POLH: variants seen among roughly 807,000 people sequenced by gnomAD.
POLH encodes the protein DNA polymerase eta.
In POLH, 53 loss-of-function variants were observed where a neutral mutation model predicts 73.6. The ratio of observed to expected loss-of-function variants is 0.72; its 90% CI spans 0.58 to 0.91. POLH has a LOEUF of 0.91. Among genes scored for constraint, POLH ranks in the 40% least tolerant of loss-of-function variants. POLH has a pLI of 0.00. For missense variants in POLH, 768 were observed against 865.4 expected, an observed-to-expected ratio of 0.89 and a Z score of 1.41; for synonymous variants, 292 against 308.5, an observed-to-expected ratio of 0.95 and a Z score of 0.56.
intron 9 of POLH, among the ~76,000 whole-genome samples, chr6:43,610,344 C>T (rs1339290934): frequency 6.6e-6 from 1 of 152,026 alleles, no homozygotes; most frequent in Non-Finnish European, 1.5e-5. Flanking sequence ...GGATTACAGG[C>T]GTGAGCCACC....
At chr6:43,608,348 A>AT (rs1767522774) in intron 9 of POLH, among the ~76,000 whole-genome samples, 3 of 152,206 alleles carry the variant, frequency 2.0e-5, no homozygotes, top group Admixed American at 2.0e-4. Context: ...CATGTCAAGA[A>AT]TAGTCCAAAA....
At chr6:43,603,522 A>G (rs1766965920) in intron 6 of POLH, among the ~76,000 whole-genome samples, 1 of 152,086 alleles carries the variant, frequency 6.6e-6, no homozygotes, top group Non-Finnish European at 1.5e-5. Context: ...TTGGCCTCCC[A>G]AAGTGGGATC....
At chr6:43,592,674 C>T (rs1421104992) in intron 4 of POLH, among the ~76,000 whole-genome samples, 1 of 152,140 alleles carries the variant, frequency 6.6e-6, no homozygotes, top group Non-Finnish European at 1.5e-5. Flanking sequence ...CTTGGTCTCC[C>T]AAAGTGCTGG....
intron 9 of POLH, among the ~76,000 whole-genome samples, chr6:43,608,691 G>T (rs1767560221): frequency 6.6e-6 from 1 of 152,124 alleles, no homozygotes; most frequent in African/African-American, 2.4e-5. Context: ...ACTGTGCCTA[G>T]CCTTTTCTTC....
Position 43,583,128 on chromosome 6 carries a change from G to C in POLH, c.259G>C (p.Ala87Pro). 1 of 1,613,974 alleles carries C rather than the reference G, an allele frequency of 6.2e-7. No homozygotes were observed. Among genetic ancestry groups the C allele is most frequent in the Non-Finnish European group, 8.5e-7 (1 of 1,179,930 alleles). ...LAQVRESRGK[A>P]NLTKYREASV... is the part of the protein sequence containing the mutation. ...ACAAGTTCGTGAGTCCCGTGGGAAAGCTAACCTCACCAAGTAAGAAAAAAA... is the reference window on the plus strand; with the variant it reads ...ACAAGTTCGTGAGTCCCGTGGGAAACCTAACCTCACCAAGTAAGAAAAAAA... The change falls in exon 3 of 11, where the codon GCT (alanine) becomes CCT (proline). Residue 87 changes from alanine to proline, a missense_variant. Coordinates refer to ENST00000372236, the MANE Select transcript of POLH (RefSeq NM_006502.3).
chr6:43,619,087 CAA>C lies in POLH; in HGVS notation c.*4531_*4532del, dbSNP rs767288700. Reference sequence around the variant, plus strand: ...TGATACTTGAATATCTAATAAAAGACAATATTTAGCCAGTCACGGTGGCTGAT... The same window carrying C: ...TGATACTTGAATATCTAATAAAAGACTATTTAGCCAGTCACGGTGGCTGAT... On this transcript the variant is annotated 3_prime_UTR_variant, in exon 11 of 11. Coordinates refer to ENST00000372236, the MANE Select transcript of POLH (RefSeq NM_006502.3). Among the ~76,000 whole-genome samples, 56 of 151,630 alleles carry C rather than the reference CAA, an allele frequency of 3.7e-4. No individual in the cohort carries two copies. Among genetic ancestry groups the C allele is most frequent in the Middle Eastern group, 3.4e-3 (1 of 294 alleles).
At chr6:43,585,876 T>G (rs1764771999) in intron 3 of POLH, among the ~76,000 whole-genome samples, 1 of 151,754 alleles carries the variant, frequency 6.6e-6, no homozygotes, top group South Asian at 2.1e-4. Flanking sequence ...ACTCCTGACC[T>G]CAGGTGATCC....
At chr6:43,583,175 G>C in intron 3 of POLH, 34 bp downstream of exon 3, 1 of 1,603,722 alleles carries the variant, frequency 6.2e-7, no homozygotes, top group Non-Finnish European at 8.5e-7. Context: ...GAGACATAAA[G>C]GAGTCGAAAA....
rs1171635918 is a variant in POLH at position 43,615,514 on chromosome 6, C to T, written c.*957C>T. ...AGGTTGGAGTGAGCTGAGATCGCGC[C>T]ACCGCACTCCAGCCTGGGCAACAGA... is the stretch of plus-strand genomic sequence containing the variant. On this transcript the variant is annotated 3_prime_UTR_variant, in exon 11 of 11. Coordinates refer to ENST00000372236, the MANE Select transcript of POLH (RefSeq NM_006502.3). 4 of 130,650 alleles carry T rather than the reference C, an allele frequency of 3.1e-5. No individual in the cohort carries two copies. Among genetic ancestry groups the T allele is most frequent in the Admixed American group, 7.5e-5 (1 of 13,346 alleles). 8.1% of individuals were successfully genotyped at this position (130,650 alleles called of 1,614,324 possible). A position where few individuals can be genotyped will look rare whatever the true frequency, so the allele number is the denominator to read the frequency against.
chr6:43,593,066 G>C (rs1221224142), intron 4 of POLH, among the ~76,000 whole-genome samples: 1 of 152,166 alleles, frequency 6.6e-6, no homozygotes, highest in Non-Finnish European at 1.5e-5. Flanking sequence ...GGGTCTCACT[G>C]TGTTGCCCAT....
intron 4 of POLH, among the ~76,000 whole-genome samples, 164 bp from the exon 5 acceptor site, chr6:43,597,532 G>A (rs1341022215): frequency 6.6e-6 from 1 of 152,210 alleles, no homozygotes; most frequent in African/African-American, 2.4e-5. Context: ...ACACTCTGAA[G>A]GAGAAATTGA....
chr6:43,613,412 T>G (rs984057289), intron 10 of POLH, among the ~76,000 whole-genome samples: 1 of 152,168 alleles, frequency 6.6e-6, no homozygotes. Flanking sequence ...TCTCAAGACA[T>G]AACATCAGCA....
rs1168824621 is a variant in POLH at position 43,582,951 on chromosome 6, G to C, written c.138-56G>C. ...AGATTACTTGTGTTAAATGTTACTT[G>C]TTTTTGCTTGTGATCATATAATATG... On this transcript the variant is annotated intron_variant, in intron 2 of 10. Transcript: ENST00000372236. The C allele has an allele frequency of 1.4e-5, 20 of 1,467,290 alleles. No individual in the cohort carries two copies. The South Asian group carries it at 1.8e-4, about 13-fold the overall frequency. The allele number at this position is 1,467,290 out of a possible 1,614,324, so 90.9% of individuals were successfully genotyped here. A position where few individuals can be genotyped will look rare whatever the true frequency, so the allele number is the denominator to read the frequency against.
intron 3 of POLH, among the ~76,000 whole-genome samples, chr6:43,584,210 G>A (rs1489223149): frequency 2.6e-5 from 4 of 152,150 alleles, no homozygotes; most frequent in Non-Finnish European, 5.9e-5. Context: ...TAAGATTCTA[G>A]TATCTATGTT....
rs1768287302 is a variant in POLH at position 43,615,835 on chromosome 6, G to C, written c.*1278G>C. ...CTACAGGCACGTGCTACCACACTCA[G>C]CTAATTTTTGTATTTTTAATAGAGA... On this transcript the variant is annotated 3_prime_UTR_variant, in exon 11 of 11. Transcript: ENST00000372236. 6.6e-6 allele frequency among the ~76,000 whole-genome samples: 1 copy of C among 151,534 alleles called. No homozygotes were observed. Among genetic ancestry groups the C allele is most frequent in the Non-Finnish European group, 1.5e-5 (1 of 67,902 alleles).
Position 43,577,017 on chromosome 6 carries a change from A to C in POLH, c.-5+577A>C, listed in dbSNP as rs9333502. Among the ~76,000 whole-genome samples the C allele has an allele frequency of 1.8e-4, 27 of 152,188 alleles. No individual in the cohort carries two copies. In the East Asian group the frequency reaches 3.3e-3, roughly 19 times the overall value. On this transcript the variant is annotated intron_variant, in intron 1 of 10. Transcript: ENST00000372236. ...CTAAACATACAAAAATTATGTTTGC[A>C]TTTTTAGTATTTTTATACAGGCGTG... is the stretch of plus-strand genomic sequence containing the variant.
chr6:43,603,342 A>G (rs1157588408), intron 6 of POLH, among the ~76,000 whole-genome samples: 1 of 151,468 alleles, frequency 6.6e-6, no homozygotes, highest in Non-Finnish European at 1.5e-5. Flanking sequence ...TGTTGTTCAG[A>G]CTGTTCTCAA....
intron 2 of POLH, 83 bp from the exon 3 acceptor site, chr6:43,582,924 A>G: frequency 8.4e-7 from 1 of 1,193,240 alleles, no homozygotes; most frequent in Admixed American, 1.9e-5. Context: ...TAATATGTTT[A>G]TAGATTACTT....
chr6:43,612,736 A>G (rs1768029565), intron 10 of POLH, among the ~76,000 whole-genome samples: 1 of 152,198 alleles, frequency 6.6e-6, no homozygotes, highest in Non-Finnish European at 1.5e-5. Flanking sequence ...ATCTTCTGAA[A>G]TTCAGCTTAT....
Sources: allele counts gnomAD v4.1 joint callset (sites outside exome capture counted in the v4.1 genomes callset), GRCh38; gene constraint gnomAD v4.1.1; transcripts MANE v1.5; gene names NCBI Gene and HGNC (gene_info 2026-07-23, HGNC 2026-07-21).